MTUS1: variants seen among roughly 807,000 people sequenced by gnomAD.
MTUS1 encodes the protein microtubule-associated tumor suppressor 1.
A neutral mutation model predicts 120.8 loss-of-function variants in MTUS1; 109 were observed. That is an observed-to-expected ratio of 0.90 (90% CI 0.77 to 1.06). The LOEUF is 1.06. Among genes scored for constraint, MTUS1 ranks in the 50% least tolerant of loss-of-function variants. The pLI is 0.00. For synonymous variants in MTUS1, 737 were observed against 550.5 expected (o/e 1.34, Z -4.74); for missense variants, 2,210 against 1,486.3 (o/e 1.49, Z -8.01).
chr8:17,724,555 T>C lies in MTUS1; in HGVS notation c.2288-722A>G, dbSNP rs144509575. 4.9e-3 allele frequency among the ~76,000 whole-genome samples: 751 copies of C among 152,322 alleles called. 8 individuals are homozygous for C. The highest frequency in any genetic ancestry group is 0.017 in the African/African-American group (698 of 41,562). ...CAGTTTATTTGCCAAACTTAAATGA[T>C]CTTCACTCCAACTTGCAACTCTTTC... On this transcript the variant is annotated intron_variant, in intron 3 of 14. Coordinates refer to ENST00000693296, the MANE Select transcript of MTUS1 (RefSeq NM_001363059.2).
At chr8:17,656,831 G>A (rs1808368358) in intron 8 of MTUS1, among the ~76,000 whole-genome samples, 1 of 151,746 alleles carries the variant, frequency 6.6e-6, no homozygotes, top group African/African-American at 2.4e-5. Flanking sequence ...CAGCACTTTG[G>A]GAGGCCGAGG....
intron 1 of MTUS1, among the ~76,000 whole-genome samples, chr8:17,760,143 T>C (rs970467319): frequency 6.6e-5 from 10 of 150,676 alleles, no homozygotes; most frequent in Admixed American, 6.0e-4. Context: ...CTGGGCCCAG[T>C]AGTTCACAGC....
intron 8 of MTUS1, among the ~76,000 whole-genome samples, chr8:17,667,110 C>G (rs920540403): frequency 2.0e-5 from 3 of 152,156 alleles, no homozygotes; most frequent in Non-Finnish European, 4.4e-5. Context: ...AACACAGGTA[C>G]CACTGGTAAA....
At chr8:17,748,451 A>C (rs921868631) in intron 2 of MTUS1, among the ~76,000 whole-genome samples, 1 of 152,194 alleles carries the variant, frequency 6.6e-6, no homozygotes, top group Non-Finnish European at 1.5e-5. Context: ...GTACCCAAAA[A>C]AGGTTATCAC....
At chr8:17,716,048 G>A in intron 4 of MTUS1, 147 bp from the exon 5 acceptor site, 1 of 700,076 alleles carries the variant, frequency 1.4e-6, no homozygotes, top group South Asian at 1.9e-5. Context: ...ATACAACATG[G>A]ATAACAGGTA....
At position 17,754,301 on chromosome 8, in the gene MTUS1, G is replaced by A; in HGVS notation, c.1507C>T (p.Pro503Ser). The part of the protein sequence containing the change: ...KVRKTEIISY[P>S]RPNFKNVKAK... ...TTGACATTCTTGAAGTTTGGTCTTG[G>A]GTAACTTATAATTTCAGTTTTTCTA... Residue 503 changes from proline to serine, a missense_variant, in exon 2 of 15, where the codon CCA becomes TCA. By Grantham distance (74) the Pro-to-Ser change is moderately conservative. Coordinates refer to ENST00000693296, the MANE Select transcript of MTUS1 (RefSeq NM_001363059.2). 1.2e-6 allele frequency: 2 copies of A among 1,613,844 alleles called. No individual in the cohort carries two copies. The highest frequency in any genetic ancestry group is 1.7e-6 in the Non-Finnish European group (2 of 1,179,960).
chr8:17,661,922 G>A (rs987740500), intron 8 of MTUS1, among the ~76,000 whole-genome samples: 1 of 152,178 alleles, frequency 6.6e-6, no homozygotes, highest in African/African-American at 2.4e-5. Context: ...TTTGAAGGAA[G>A]TGGCCTGGGC....
At chr8:17,761,536 T>C (rs976268647) in intron 1 of MTUS1, among the ~76,000 whole-genome samples, 1 of 152,206 alleles carries the variant, frequency 6.6e-6, no homozygotes, top group Non-Finnish European at 1.5e-5. Flanking sequence ...CCAACTGAAC[T>C]AGAAACTCAA....
At chr8:17,660,101 A>C (rs1585473797) in intron 8 of MTUS1, among the ~76,000 whole-genome samples, 1 of 152,136 alleles carries the variant, frequency 6.6e-6, no homozygotes, top group African/African-American at 2.4e-5. Context: ...GGCCGGGTGC[A>C]GTGGCTCACG....
chr8:17,660,227 G>T (rs754797130), intron 8 of MTUS1, among the ~76,000 whole-genome samples: 2 of 152,096 alleles, frequency 1.3e-5, no homozygotes, highest in Non-Finnish European at 2.9e-5. Context: ...ACAAAAATTA[G>T]CGGGGCATGA....
chr8:17,658,117 A>T (rs1206939567), intron 8 of MTUS1, among the ~76,000 whole-genome samples: 1 of 150,288 alleles, frequency 6.7e-6, no homozygotes, highest in Non-Finnish European at 1.5e-5. Flanking sequence ...GGCTCACTGC[A>T]ACCTCCAACT....
At chr8:17,739,450 G>A (rs752516220) in intron 3 of MTUS1, among the ~76,000 whole-genome samples, 137 of 111,634 alleles carry the variant, frequency 1.2e-3, no homozygotes, top group African/African-American at 3.3e-3. Context: ...CCACGATTGC[G>A]TCAATTGCAC....
intron 1 of MTUS1, among the ~76,000 whole-genome samples, chr8:17,757,813 C>T (rs1307116005): frequency 6.6e-6 from 1 of 152,160 alleles, no homozygotes; most frequent in Non-Finnish European, 1.5e-5. Context: ...AGGCATGAGC[C>T]ACCACGCCCG....
intron 1 of MTUS1, among the ~76,000 whole-genome samples, chr8:17,780,479 C>G (rs1328836520): frequency 6.6e-6 from 1 of 152,220 alleles, no homozygotes; most frequent in Non-Finnish European, 1.5e-5. Context: ...TGCCCATTTC[C>G]TTCTTGTCCT....
intron 7 of MTUS1, chr8:17,676,315 G>A (rs189472991): frequency 2.8e-6 from 2 of 703,022 alleles, no homozygotes; most frequent in East Asian, 2.7e-5. Flanking sequence ...ACAGTTTGCT[G>A]CTGGGGCAGC....
chr8:17,687,690 G>A (rs1382489008), intron 6 of MTUS1, among the ~76,000 whole-genome samples: 2 of 152,134 alleles, frequency 1.3e-5, no homozygotes, highest in Non-Finnish European at 2.9e-5. Flanking sequence ...CAGCCTTACT[G>A]GGACTCATTC....
intron 8 of MTUS1, among the ~76,000 whole-genome samples, chr8:17,656,800 G>A (rs527646323): frequency 7.9e-4 from 120 of 151,250 alleles, no homozygotes; most frequent in African/African-American, 2.1e-3. Context: ...GGCCGGGCGC[G>A]GTGGCTCACG....
intron 1 of MTUS1, chr8:17,770,674 G>C (rs1395028018): frequency 6.6e-6 from 1 of 152,330 alleles, no homozygotes; most frequent in East Asian, 1.9e-4. Context: ...TAATAGGGCT[G>C]AGTGTAACGA....
intron 3 of MTUS1, among the ~76,000 whole-genome samples, chr8:17,739,212 G>A (rs1053087826): frequency 6.6e-6 from 1 of 152,044 alleles, no homozygotes; most frequent in African/African-American, 2.4e-5. Flanking sequence ...ATAAAACTCA[G>A]GCCAGGCGCG....
Sources: allele counts gnomAD v4.1 joint callset (sites outside exome capture counted in the v4.1 genomes callset), GRCh38; gene constraint gnomAD v4.1.1; transcripts MANE v1.5; gene names NCBI Gene and HGNC (gene_info 2026-07-23, HGNC 2026-07-21).